Variants in IMPG1 observed in about 807,000 individuals in gnomAD.
The protein encoded by IMPG1 is interphotoreceptor matrix proteoglycan of 150 kDa.
A neutral mutation model predicts 92.0 loss-of-function variants in IMPG1; 85 were observed. The ratio of observed to expected loss-of-function variants is 0.92; its 90% CI spans 0.78 to 1.11. The LOEUF is 1.11. IMPG1 is among the 50% of genes least tolerant of loss of function. The pLI, the probability that IMPG1 is intolerant of heterozygous loss-of-function variation, is 0.00. For missense variants in IMPG1, 1,022 were observed against 956.0 expected (o/e 1.07, Z -0.91); for synonymous variants, 367 against 334.1 (o/e 1.10, Z -1.08).
At position 76,004,038 on chromosome 6, in the gene IMPG1, G is replaced by A. The variant is rs138631923; in HGVS notation, c.1136-88C>T. ...TAAAACAGTCCAGGTTGAAATATGC[G>A]GAATAACCAATCCTTAAGGAGTAGT... On this transcript the variant is annotated intron_variant, in intron 10 of 16. Transcript: ENST00000369950. 1,766 of 885,212 alleles carry A rather than the reference G, an allele frequency of 2.0e-3. 21 individuals carry two copies. The African/African-American group carries it at 0.026, about 13-fold the overall frequency. The allele number at this position is 885,212 out of a possible 1,614,324, so 54.8% of individuals were successfully genotyped here.
intron 15 of IMPG1, among the ~76,000 whole-genome samples, chr6:75,926,830 T>C (rs918692699): frequency 5.3e-5 from 8 of 152,080 alleles, no homozygotes; most frequent in Non-Finnish European, 1.0e-4. Flanking sequence ...TAGTTACAAA[T>C]ATTGGATGGA....
chr6:75,984,050 C>T (rs1314887086), intron 12 of IMPG1, among the ~76,000 whole-genome samples: 1 of 151,998 alleles, frequency 6.6e-6, no homozygotes, highest in Admixed American at 6.6e-5. Flanking sequence ...TGGCTATTAT[C>T]AAAAAGACAA....
Position 75,969,377 on chromosome 6 carries a change from A to G in IMPG1, c.1292-18283T>C, listed in dbSNP as rs118176428. On this transcript the variant is annotated intron_variant, in intron 12 of 16. Coordinates refer to ENST00000369950, the MANE Select transcript of IMPG1 (RefSeq NM_001563.4). ...TATTAGCCCAAATGAGCCTTTCAAAAATTGAAATATGTGTACATATTTCAA... is the reference window on the plus strand; with the variant it reads ...TATTAGCCCAAATGAGCCTTTCAAAGATTGAAATATGTGTACATATTTCAA... Among the ~76,000 whole-genome samples, 111 of 152,264 alleles carry G rather than the reference A, an allele frequency of 7.3e-4. 1 individual carries two copies. In the East Asian group the frequency reaches 0.019, roughly 26 times the overall value.
intron 7 of IMPG1, among the ~76,000 whole-genome samples, chr6:76,018,307 GTC>G (rs994638029): frequency 6.6e-6 from 1 of 152,104 alleles, no homozygotes; most frequent in African/African-American, 2.4e-5. Flanking sequence ...TGTGAATGTG[GTC>G]TCTCTCTCTC....
intron 14 of IMPG1, among the ~76,000 whole-genome samples, chr6:75,944,215 C>A (rs1781883601): frequency 6.6e-6 from 1 of 152,120 alleles, no homozygotes; most frequent in Non-Finnish European, 1.5e-5. Flanking sequence ...TTCCCTGTGC[C>A]CCCCTCTATT....
In IMPG1 at chr6:75,947,547, G is replaced by T; in HGVS notation, c.1825-14C>A. On this transcript the variant is annotated splice_polypyrimidine_tract_variant and intron_variant, in intron 13 of 16. Coordinates refer to ENST00000369950, the MANE Select transcript of IMPG1 (RefSeq NM_001563.4). ...ATATGGAACCAGCTGCAAAATAAAA[G>T]ATGGTTTCCTCTTAACTGTGTTCTA... 1 of 1,594,316 alleles carries T rather than the reference G, an allele frequency of 6.3e-7. No homozygotes were observed. Among genetic ancestry groups the T allele is most frequent in the Non-Finnish European group, 8.6e-7 (1 of 1,163,868 alleles).
chr6:75,928,729 A>G (rs183992856), intron 15 of IMPG1: 1 of 152,324 alleles, frequency 6.6e-6, no homozygotes, highest in African/African-American at 2.4e-5. Flanking sequence ...TTGTGTATCT[A>G]TTCCACATTT....
intron 8 of IMPG1, 86 bp from the exon 9 acceptor site, chr6:76,007,586 A>G (rs938772374): frequency 7.9e-6 from 7 of 889,320 alleles, no homozygotes; most frequent in Non-Finnish European, 1.2e-5. Context: ...ATTATTTTAT[A>G]TACAAAAGAA....
At chr6:75,928,261 G>A (rs1010492445) in intron 15 of IMPG1, among the ~76,000 whole-genome samples, 2 of 151,380 alleles carry the variant, frequency 1.3e-5, no homozygotes, top group South Asian at 2.1e-4. Context: ...GTGCAATGGC[G>A]TGATCTTGGC....
intron 9 of IMPG1, 87 bp downstream of exon 9, chr6:76,007,393 T>A: frequency 1.0e-6 from 1 of 952,792 alleles, no homozygotes; most frequent in African/African-American, 1.7e-5. Flanking sequence ...CAAGACATTA[T>A]ATGTAAAAAT....
At chr6:75,935,912 A>T (rs1375676989) in intron 14 of IMPG1, among the ~76,000 whole-genome samples, 1 of 152,194 alleles carries the variant, frequency 6.6e-6, no homozygotes, top group Non-Finnish European at 1.5e-5. Flanking sequence ...CAATGTGTGA[A>T]CATCACTTTT....
At position 76,014,950 on chromosome 6, in the gene IMPG1, T is replaced by C. The variant is rs535785268; in HGVS notation, c.808-3726A>G. Among the ~76,000 whole-genome samples the C allele has an allele frequency of 3.3e-5, 5 of 152,344 alleles. No individual in the cohort carries two copies. The South Asian group carries it at 1.0e-3, about 32-fold the overall frequency. On this transcript the variant is annotated intron_variant, in intron 7 of 16. Transcript: ENST00000369950. The stretch of plus-strand genomic sequence containing the variant: ...AGGATATGACAAAAGCCTCAGTTAA[T>C]TCTGCTAAATAATCTTCTGGGGACC...
intron 1 of IMPG1, among the ~76,000 whole-genome samples, chr6:76,045,368 A>G (rs1313733149): frequency 6.6e-6 from 1 of 151,886 alleles, no homozygotes; most frequent in East Asian, 1.9e-4. Context: ...ACACCAAGCT[A>G]CAACTACTTC....
chr6:75,986,049 C>T (rs1435609790), intron 12 of IMPG1, among the ~76,000 whole-genome samples: 1 of 152,120 alleles, frequency 6.6e-6, no homozygotes, highest in Non-Finnish European at 1.5e-5. Context: ...ATAAAACAAA[C>T]AACAGCCTAT....
chr6:75,965,461 G>A (rs1582071292), intron 12 of IMPG1, among the ~76,000 whole-genome samples: 1 of 151,196 alleles, frequency 6.6e-6, no homozygotes, highest in South Asian at 2.1e-4. Flanking sequence ...AAATCTGAAC[G>A]TCTTTTCATG....
chr6:75,950,839 A>G lies in IMPG1; in HGVS notation c.1547T>C (p.Val516Ala). The G allele has an allele frequency of 6.2e-7, 1 of 1,613,932 alleles. No individual in the cohort carries two copies. The highest frequency in any genetic ancestry group is 8.5e-7 in the Non-Finnish European group (1 of 1,179,936). ...SRSSAGGEDM[V>A]RHLDEMDLSD... ...CAGATCCATTTCATCTAGGTGTCTG[A>G]CCATATCTTCGCCACCTGCACTTGA... The change falls in exon 13 of 17, where the codon GTC becomes GCC. Residue 516 changes from valine (V) to alanine (A), a missense_variant. Around this residue, in one of 3 missense-constraint regions of IMPG1, gnomAD observed 332 missense variants for 346.2 expected, o/e 0.96. Coordinates refer to ENST00000369950, the MANE Select transcript of IMPG1 (RefSeq NM_001563.4).
At chr6:76,065,727 A>G (rs1784298168) in intron 1 of IMPG1, among the ~76,000 whole-genome samples, 1 of 152,104 alleles carries the variant, frequency 6.6e-6, no homozygotes. Flanking sequence ...AGGCTCAGAG[A>G]ACTCCAGAAA....
intron 12 of IMPG1, among the ~76,000 whole-genome samples, chr6:75,977,665 A>C (rs6909852): frequency 7.5e-4 from 114 of 152,192 alleles, no homozygotes; most frequent in African/African-American, 2.6e-3. Flanking sequence ...TCATTTCATA[A>C]AGAACTCGAG....
Position 75,989,425 on chromosome 6 carries a change from T to C in IMPG1, c.1291+13493A>G, listed in dbSNP as rs145770605. ...AGATCATTCAAGAATGTCCCAGATA[T>C]AAAGTCTGACAAAATTATTGCAAAC... is the stretch of plus-strand genomic sequence containing the variant. On this transcript the variant is annotated intron_variant, in intron 12 of 16. Coordinates refer to ENST00000369950, the MANE Select transcript of IMPG1 (RefSeq NM_001563.4). Among the ~76,000 whole-genome samples the C allele has an allele frequency of 1.9e-3, 287 of 152,338 alleles. 10 individuals carry two copies. The South Asian group carries it at 0.036, about 19-fold the overall frequency.
Sources: gnomAD v4.1 joint callset for allele counts (sites outside exome capture counted in the v4.1 genomes callset) on GRCh38, gnomAD v4.1.1 for gene constraint, gnomAD v4.1.1 regional missense constraint, MANE v1.5 for transcripts, NCBI Gene and HGNC (gene_info 2026-07-23, HGNC 2026-07-21) for gene names.